The following PIK3C2G variants were observed in gnomAD, a reference collection of about 807,000 sequenced individuals.
PIK3C2G encodes the protein phosphatidylinositol-4-phosphate 3-kinase catalytic subunit type 2 gamma.
A neutral mutation model predicts 181.1 loss-of-function variants in PIK3C2G; 168 were observed. The ratio of observed to expected loss-of-function variants is 0.93; its 90% CI spans 0.82 to 1.05. The LOEUF (loss-of-function observed/expected upper bound fraction) is 1.05. PIK3C2G is among the 50% of genes least tolerant of loss of function. PIK3C2G has a pLI of 0.00. For synonymous variants in PIK3C2G, 573 were observed against 592.2 expected, an observed-to-expected ratio of 0.97 and a Z score of 0.47; for missense variants, 1,869 against 1,732.8, an observed-to-expected ratio of 1.08 and a Z score of -1.40.
intron 31 of PIK3C2G, among the ~76,000 whole-genome samples, chr12:18,634,404 G>T (rs1476677241): frequency 3.9e-5 from 6 of 152,200 alleles, no homozygotes; most frequent in African/African-American, 1.2e-4. Flanking sequence ...TACTGTGGTG[G>T]ATAAGGCATT....
chr12:18,546,486 T>C, intron 26 of PIK3C2G, 54 bp downstream of exon 26: 1 of 924,240 alleles, frequency 1.1e-6, no homozygotes, highest in Admixed American at 2.0e-5. Flanking sequence ...CGCAGACACA[T>C]GTTCCACAGT....
In PIK3C2G at chr12:18,314,046, A is replaced by G; in HGVS notation, c.1119A>G (p.Pro373=). Residue 373 remains proline (P), a synonymous_variant, in exon 6 of 33, where the codon CCA becomes CCG. Coordinates refer to ENST00000538779, the MANE Select transcript of PIK3C2G (RefSeq NM_001288772.2). ...ACCTGCAGAAAAGTAGGGAAGCTCC[A>G]GGAAAGCTATCTCGAAAGGTAAGAC... ...QLHLQKSREA[P]GKLSRKHEED... The G allele has an allele frequency of 6.4e-7, 1 of 1,568,800 alleles. No homozygotes were observed. Among genetic ancestry groups the G allele is most frequent in the Non-Finnish European group, 8.7e-7 (1 of 1,150,076 alleles).
chr12:18,684,578 T>C, the PIK3C2G span, among the ~76,000 whole-genome samples: 4 of 152,170 alleles, frequency 2.6e-5, no homozygotes, highest in East Asian at 5.8e-4. Context: ...TCCTAAGGTT[T>C]CACATATGTG....
At chr12:18,276,118 G>T (rs1393016449) in intron 1 of PIK3C2G, among the ~76,000 whole-genome samples, 2 of 152,122 alleles carry the variant, frequency 1.3e-5, no homozygotes, top group Non-Finnish European at 2.9e-5. Flanking sequence ...ATTCTCTTCA[G>T]GTTAGATTTG....
chr12:18,708,792 T>C, the PIK3C2G span, among the ~76,000 whole-genome samples: 3 of 152,332 alleles, frequency 2.0e-5, no homozygotes, highest in Admixed American at 1.3e-4. Flanking sequence ...CATATACTTG[T>C]TGGCCATTTT....
chr12:18,400,407 T>A (rs1167152629), intron 16 of PIK3C2G, among the ~76,000 whole-genome samples: 1 of 152,218 alleles, frequency 6.6e-6, no homozygotes, highest in Non-Finnish European at 1.5e-5. Context: ...CTGGCTCTGG[T>A]CCAGGAGAAA....
chr12:18,477,463 T>A (rs1373290813), intron 18 of PIK3C2G, among the ~76,000 whole-genome samples: 4 of 152,098 alleles, frequency 2.6e-5, no homozygotes, highest in South Asian at 2.1e-4. Flanking sequence ...AACAACAGCA[T>A]AACATAAGTC....
At chr12:18,723,366 C>T in the PIK3C2G span, 1 of 1,612,916 alleles carries the variant, frequency 6.2e-7, no homozygotes, top group Non-Finnish European at 8.5e-7. Context: ...CTTTACTCAT[C>T]TCAGCTGCAT....
At position 18,423,833 on chromosome 12, in the gene PIK3C2G, G is replaced by A. The variant is rs983385527; in HGVS notation, c.2410-112G>A. 6 of 665,410 alleles carry A rather than the reference G, an allele frequency of 9.0e-6. No homozygotes were observed. In the Admixed American group the frequency reaches 1.2e-4, roughly 13 times the overall value. 41.2% of individuals were successfully genotyped at this position (665,410 alleles called of 1,614,324 possible). ...TCATCGAATGTGTTATTAGCATTTT[G>A]TTAAAATATGCATGCTGTTTTCTCT... On this transcript the variant is annotated intron_variant, in intron 17 of 32. Transcript: ENST00000538779.
intron 20 of PIK3C2G, among the ~76,000 whole-genome samples, chr12:18,494,213 T>C (rs1284823910): frequency 6.6e-6 from 1 of 152,170 alleles, no homozygotes; most frequent in Non-Finnish European, 1.5e-5. Context: ...ATCACTCTAA[T>C]CTAATATCTT....
chr12:18,650,664 ATGTGTGTGTGTGTGTGTGTG>A (rs1159499235), downstream of PIK3C2G, among the ~76,000 whole-genome samples: 50 of 35,594 alleles, frequency 1.4e-3, no homozygotes, highest in Non-Finnish European at 2.6e-3. Flanking sequence ...TGGAATATAA[ATGTGTGTGTGTGTGTGTGTG>A]TGTGTGTGTG....
At chr12:18,291,985 G>T (rs1416404449) in intron 4 of PIK3C2G, among the ~76,000 whole-genome samples, 1 of 151,014 alleles carries the variant, frequency 6.6e-6, no homozygotes, top group Admixed American at 6.6e-5. Flanking sequence ...GAGGCAGGCA[G>T]ATCACCTGAG....
At chr12:18,501,418 T>C (rs1941470884) in intron 22 of PIK3C2G, among the ~76,000 whole-genome samples, 1 of 152,166 alleles carries the variant, frequency 6.6e-6, no homozygotes, top group African/African-American at 2.4e-5. Flanking sequence ...ACTGTCCACA[T>C]GATCTGATCA....
chr12:18,429,598 C>T (rs868845887), intron 18 of PIK3C2G, among the ~76,000 whole-genome samples: 2 of 152,216 alleles, frequency 1.3e-5, no homozygotes, highest in East Asian at 3.9e-4. Flanking sequence ...GTCCCTTCCC[C>T]CTCTTAGTCC....
At chr12:18,708,656 C>T in the PIK3C2G span, among the ~76,000 whole-genome samples, 1 of 152,032 alleles carries the variant, frequency 6.6e-6, no homozygotes, top group Non-Finnish European at 1.5e-5. Context: ...TTGCCACGCC[C>T]TCGCCAACAT....
rs1171468138 is a variant in PIK3C2G, at chr12:18,559,821, T to TAGAG, written c.3591-2840_3591-2837dup. 8.2e-3 allele frequency among the ~76,000 whole-genome samples: 150 copies of TAGAG among 18,350 alleles called. 5 individuals carry two copies. Among genetic ancestry groups the TAGAG allele is most frequent in the East Asian group, 0.017 (5 of 302 alleles). The allele number at this position is 18,350 out of a possible 152,430, so 12.0% of individuals were successfully genotyped here. A position where few individuals can be genotyped will look rare whatever the true frequency, so the allele number is the denominator to read the frequency against. On this transcript the variant is annotated intron_variant, in intron 26 of 32. Coordinates refer to ENST00000538779, the MANE Select transcript of PIK3C2G (RefSeq NM_001288772.2). ...ATATATATATATATATATATATATA[T>TAGAG]AGAGAGAGAGAGAGAGAGAGAGAGA...
At chr12:18,700,430 G>T in the PIK3C2G span, among the ~76,000 whole-genome samples, 1 of 139,520 alleles carries the variant, frequency 7.2e-6, no homozygotes, top group African/African-American at 2.6e-5. Context: ...GGCAGATTGG[G>T]CCAGCTAAAC....
At chr12:18,721,716 A>T in the PIK3C2G span, among the ~76,000 whole-genome samples, 1 of 76,804 alleles carries the variant, frequency 1.3e-5, no homozygotes, top group South Asian at 4.3e-4. Flanking sequence ...TCTTGCTATT[A>T]AAAAAAAAAA....
At chr12:18,338,940 T>C (rs932051558) in intron 9 of PIK3C2G, among the ~76,000 whole-genome samples, 3 of 152,102 alleles carry the variant, frequency 2.0e-5, no homozygotes, top group African/African-American at 7.2e-5. Context: ...TTCTCATGTA[T>C]ACGAGTGTAT....
Sources: gnomAD v4.1 joint callset for allele counts (sites outside exome capture counted in the v4.1 genomes callset) on GRCh38, gnomAD v4.1.1 for gene constraint, MANE v1.5 for transcripts, NCBI Gene and HGNC (gene_info 2026-07-23, HGNC 2026-07-21) for gene names.